The following RPN1 variants were observed in gnomAD, a reference collection of about 807,000 sequenced individuals.
The protein encoded by RPN1 is dolichyl-diphosphooligosaccharide--protein glycosyltransferase subunit 1.
A neutral mutation model predicts 55.5 loss-of-function variants in RPN1; 12 were observed. The observed-to-expected ratio is 0.22, with a 90% CI of 0.14 to 0.35. RPN1 has a LOEUF of 0.35. RPN1 is among the 10% of genes least tolerant of loss of function. The pLI, the probability that RPN1 is intolerant of heterozygous loss-of-function variation, is 1.00. For synonymous variants in RPN1, 317 were observed against 305.9 expected, an observed-to-expected ratio of 1.04 and a Z score of -0.38; for missense variants, 679 against 761.3, an observed-to-expected ratio of 0.89 and a Z score of 1.27.
intron 4 of RPN1, among the ~76,000 whole-genome samples, chr3:128,631,330 T>G (rs1313554879): frequency 6.7e-6 from 1 of 149,764 alleles, no homozygotes; most frequent in East Asian, 2.0e-4. Flanking sequence ...AAAAAAAAAT[T>G]AGCCAGGCTT....
chr3:128,635,260 AAGG>A (rs2069668565), intron 3 of RPN1, among the ~76,000 whole-genome samples: 1 of 152,132 alleles, frequency 6.6e-6, no homozygotes, highest in African/African-American at 2.4e-5. Context: ...AATGGTTACC[AAGG>A]AGAACAAATG....
Position 128,625,538 on chromosome 3 carries a change from G to A in RPN1, c.1391C>T (p.Thr464Ile). Reference sequence around the variant, plus strand: ...GGAAGAAGGCAGAGACGGTACCTTGGTGATGGAGAAGTCCAGCCGAACATA... The same window carrying A: ...GGAAGAAGGCAGAGACGGTACCTTGATGATGGAGAAGTCCAGCCGAACATA... ...IIYVRLDFSI[T>I]KDPAAEARMK... is the part of the protein sequence containing the mutation. The change falls in exon 8 of 10, where the codon ACC (threonine) becomes ATC (isoleucine). Residue 464 changes from threonine to isoleucine, a missense_variant. Thr to Ile is a moderately conservative substitution (Grantham distance 89). Coordinates refer to ENST00000296255, the MANE Select transcript of RPN1 (RefSeq NM_002950.4). 1 of 1,614,078 alleles carries A rather than the reference G, an allele frequency of 6.2e-7. No individual in the cohort carries two copies. The highest frequency in any genetic ancestry group is 8.5e-7 in the Non-Finnish European group (1 of 1,180,012).
chr3:128,620,026 A>C lies in RPN1; in HGVS notation c.*385T>G, dbSNP rs1451533718. 4.9e-5 allele frequency: 11 copies of C among 225,076 alleles called. No individual in the cohort carries two copies. In the Admixed American group the frequency reaches 5.2e-4, roughly 11 times the overall value. 13.9% of individuals were successfully genotyped at this position (225,076 alleles called of 1,614,324 possible). On this transcript the variant is annotated 3_prime_UTR_variant, in exon 10 of 10. Coordinates refer to ENST00000296255, the MANE Select transcript of RPN1 (RefSeq NM_002950.4). ...GTTCACACACGCTTTAAAAAAAAAA[A>C]AAAAAACACATGCACTCACACAATA... is the stretch of plus-strand genomic sequence containing the variant.
rs775232771 is a variant in RPN1, at chr3:128,626,779, C to T, written c.1090G>A (p.Val364Met). 3.7e-6 allele frequency: 6 copies of T among 1,614,082 alleles called. No homozygotes were observed. The African/African-American group carries it at 4.0e-5, about 11-fold the overall frequency. The change falls in exon 6 of 10, where the codon GTG becomes ATG. Residue 364 changes from valine (V) to methionine (M), a missense_variant. Val to Met is a conservative substitution (Grantham distance 21). Coordinates refer to ENST00000296255, the MANE Select transcript of RPN1 (RefSeq NM_002950.4). Reference protein sequence around the residue: ...RFVDHVFDEQVIDSLTVKIIL... With the variant: ...RFVDHVFDEQMIDSLTVKIIL... The stretch of plus-strand genomic sequence containing the variant: ...ATCTTCACAGTCAGAGAATCTATCA[C>T]TTGTTCATCAAACACATGGTCCACA...
At chr3:128,641,021 C>T (rs904696365) in intron 2 of RPN1, 29 of 152,132 alleles carry the variant, frequency 1.9e-4, no homozygotes. Context: ...TGTGGAAGCA[C>T]CAGCTAATGA....
At chr3:128,642,183 C>A (rs1179063489) in intron 2 of RPN1, 2 of 152,160 alleles carry the variant, frequency 1.3e-5, no homozygotes. Flanking sequence ...TTAATAGCGA[C>A]TTATTTAAAG....
intron 3 of RPN1, among the ~76,000 whole-genome samples, chr3:128,635,210 T>C (rs567590295): frequency 6.6e-6 from 1 of 152,208 alleles, no homozygotes; most frequent in African/African-American, 2.4e-5. Flanking sequence ...CTCATACATT[T>C]AGAAGGAAAC....
At chr3:128,644,881 C>T (rs569733063) in intron 2 of RPN1, 38 bp downstream of exon 2, 6 of 1,159,358 alleles carry the variant, frequency 5.2e-6, no homozygotes, top group South Asian at 4.9e-5. Context: ...CTGACATAAC[C>T]TTTAACAAGA....
intron 8 of RPN1, among the ~76,000 whole-genome samples, chr3:128,624,303 AC>A (rs2069582513): frequency 6.6e-6 from 1 of 151,884 alleles, no homozygotes; most frequent in South Asian, 2.1e-4. Context: ...ACACGGTGAA[AC>A]CCCGTCTCTA....
chr3:128,626,762 A>C lies in RPN1; in HGVS notation c.1107T>G (p.Thr369=). 6.2e-7 allele frequency: 1 copy of C among 1,614,180 alleles called. No individual in the cohort carries two copies. Among genetic ancestry groups the C allele is most frequent in the Non-Finnish European group, 8.5e-7 (1 of 1,180,034 alleles). ...CTCCTTCAGGCAGGATGATCTTCAC[A>C]GTCAGAGAATCTATCACTTGTTCAT... The part of the protein sequence containing the change: ...VFDEQVIDSL[T]VKIILPEGAK... Residue 369 remains threonine, a synonymous_variant, in exon 6 of 10, where the codon ACT becomes ACG. Coordinates refer to ENST00000296255, the MANE Select transcript of RPN1 (RefSeq NM_002950.4).
chr3:128,626,100 C>T, intron 6 of RPN1, 88 bp from the exon 7 acceptor site: 2 of 1,340,354 alleles, frequency 1.5e-6, no homozygotes, highest in Non-Finnish European at 2.0e-6. Context: ...GGCTAAGGAG[C>T]CTTTCAAGAT....
intron 3 of RPN1, among the ~76,000 whole-genome samples, chr3:128,636,136 G>A (rs1302097192): frequency 1.3e-5 from 2 of 152,066 alleles, no homozygotes; most frequent in Non-Finnish European, 2.9e-5. Context: ...AAAACGAACA[G>A]CCCTAACTAT....
chr3:128,646,730 T>A (rs2069771511), intron 1 of RPN1, among the ~76,000 whole-genome samples: 1 of 148,906 alleles, frequency 6.7e-6, no homozygotes, highest in African/African-American at 2.5e-5. Context: ...ACACCTGTAA[T>A]CCCAGCATTT....
chr3:128,650,479 C>A, intron 1 of RPN1, 61 bp downstream of exon 1: 1 of 1,464,486 alleles, frequency 6.8e-7, no homozygotes, highest in Non-Finnish European at 9.1e-7. Context: ...AGTCGGGGGA[C>A]CGCCAGGAAG....
chr3:128,641,158 T>C (rs2069721819), intron 2 of RPN1: 1 of 152,100 alleles, frequency 6.6e-6, no homozygotes, highest in Non-Finnish European at 1.5e-5. Context: ...ATTGTGTGAA[T>C]GACTTGGTTT....
chr3:128,640,584 T>G (rs2069717584), intron 2 of RPN1, among the ~76,000 whole-genome samples: 1 of 152,218 alleles, frequency 6.6e-6, no homozygotes. Context: ...ACAGCTCCAC[T>G]GACCACCCCA....
chr3:128,629,996 T>C lies in RPN1; in HGVS notation c.991A>G (p.Ile331Val). 3 of 1,613,720 alleles carry C rather than the reference T, an allele frequency of 1.9e-6. No individual in the cohort carries two copies. Among genetic ancestry groups the C allele is most frequent in the Non-Finnish European group, 2.5e-6 (3 of 1,179,650 alleles). ...TAGCTTGGGAGGTTGTAGCCAACGA[T>C]GTAATGGGTCTTCCACCCGCCAAAG... The part of the protein sequence containing the change: ...PLFGGWKTHY[I>V]VGYNLPSYEY... Residue 331 changes from isoleucine (I) to valine (V), a missense_variant, in exon 5 of 10, where the codon ATC becomes GTC. Ile to Val is a conservative substitution (Grantham distance 29, BLOSUM62 3). This residue lies in a region of RPN1 where 306 missense variants were observed against 360.0 expected (regional missense o/e 0.85). Coordinates refer to ENST00000296255, the MANE Select transcript of RPN1 (RefSeq NM_002950.4).
chr3:128,646,506 T>C (rs2069769723), intron 1 of RPN1, among the ~76,000 whole-genome samples: 1 of 151,642 alleles, frequency 6.6e-6, no homozygotes. Context: ...GCCAATATAG[T>C]GAAACTTCAT....
chr3:128,629,167 AG>A (rs2069623874), intron 5 of RPN1, among the ~76,000 whole-genome samples: 1 of 147,020 alleles, frequency 6.8e-6, no homozygotes, highest in South Asian at 2.1e-4. Context: ...TCTTGACAGG[AG>A]GGGGTGGGGA....
Sources: allele counts gnomAD v4.1 joint callset (sites outside exome capture counted in the v4.1 genomes callset), GRCh38; gene constraint gnomAD v4.1.1; regional missense constraint gnomAD v4.1.1; transcripts MANE v1.5; gene names NCBI Gene and HGNC (gene_info 2026-07-23, HGNC 2026-07-21).